The following GRM7 variants were observed in gnomAD, a reference collection of about 807,000 sequenced individuals.
GRM7 encodes glutamate metabotropic receptor 7.
Under a neutral mutation model 84.5 loss-of-function variants are expected in GRM7, and 35 were observed. The ratio of observed to expected loss-of-function variants is 0.41; its 90% confidence interval spans 0.32 to 0.55. The LOEUF (loss-of-function observed/expected upper bound fraction) is 0.55. Ranked by LOEUF, GRM7 falls within the 20% of genes least tolerant of loss-of-function variation. The pLI is 0.19. For synonymous variants in GRM7, 487 were observed against 455.1 expected, an observed-to-expected ratio of 1.07 and a Z score of -0.89; for missense variants, 1,003 against 1,194.6, an observed-to-expected ratio of 0.84 and a Z score of 2.36.
chr3:6,888,175 G>T (rs894406172), intron 1 of GRM7, among the ~76,000 whole-genome samples: 1 of 151,888 alleles, frequency 6.6e-6, no homozygotes, highest in Non-Finnish European at 1.5e-5. Context: ...CTCCCATTTT[G>T]TAGGTTGCCT....
At chr3:7,278,911 T>C (rs533267128) in intron 2 of GRM7, among the ~76,000 whole-genome samples, 2 of 152,326 alleles carry the variant, frequency 1.3e-5, no homozygotes, top group African/African-American at 2.4e-5. Flanking sequence ...GGTTGGAGAT[T>C]ATAAATTTAA....
chr3:7,208,127 G>C (rs900230024), intron 2 of GRM7, among the ~76,000 whole-genome samples: 6 of 152,238 alleles, frequency 3.9e-5, no homozygotes, highest in African/African-American at 1.2e-4. Context: ...CAGAATCAGA[G>C]AGGATAAACA....
intron 7 of GRM7, among the ~76,000 whole-genome samples, chr3:7,491,722 A>AT (rs1366095125): frequency 2.6e-5 from 4 of 152,168 alleles, no homozygotes; most frequent in African/African-American, 9.7e-5. Flanking sequence ...TAGGCAAATC[A>AT]TTTTCTCCTC....
intron 7 of GRM7, among the ~76,000 whole-genome samples, chr3:7,552,090 C>T (rs2125026793): frequency 6.6e-6 from 1 of 152,310 alleles, no homozygotes; most frequent in African/African-American, 2.4e-5. Context: ...TTAACTCCAC[C>T]TGATCTCTCC....
rs146595971 is a variant in GRM7, at chr3:7,629,816, T to A, written c.2452-50233T>A. ...TAAGAAACTTGTTTTACATTCCAAG[T>A]TTTTTTTAAATCTCCCAGCCTAGTA... On this transcript the variant is annotated intron_variant, in intron 8 of 9. Coordinates refer to ENST00000357716, the MANE Select transcript of GRM7 (RefSeq NM_000844.4). Among the ~76,000 whole-genome samples the A allele has an allele frequency of 1.2e-3, 177 of 150,616 alleles. 1 individual carries two copies. The highest frequency in any genetic ancestry group is 4.1e-3 in the African/African-American group (166 of 40,046).
chr3:7,556,169 T>G (rs1377520922), intron 7 of GRM7, among the ~76,000 whole-genome samples: 1 of 152,134 alleles, frequency 6.6e-6, no homozygotes, highest in Non-Finnish European at 1.5e-5. Flanking sequence ...CATGCTCACG[T>G]GGTAGAAAGG....
intron 8 of GRM7, among the ~76,000 whole-genome samples, chr3:7,622,550 A>G (rs750947509): frequency 8.6e-5 from 13 of 152,032 alleles, no homozygotes; most frequent in Non-Finnish European, 1.8e-4. Flanking sequence ...GCCATAAAGG[A>G]GAGGCGAGAG....
At chr3:7,472,837 A>G (rs1313743131) in intron 7 of GRM7, among the ~76,000 whole-genome samples, 2 of 152,018 alleles carry the variant, frequency 1.3e-5, no homozygotes, top group Non-Finnish European at 2.9e-5. Flanking sequence ...CAATCCCCCT[A>G]CCCCCACTTA....
chr3:7,304,689 T>A (rs1700127753), intron 3 of GRM7, among the ~76,000 whole-genome samples: 2 of 152,088 alleles, frequency 1.3e-5, no homozygotes, highest in African/African-American at 4.8e-5. Flanking sequence ...TTCTGCACTT[T>A]ATATCTATGC....
At chr3:7,668,355 C>T (rs1321439911) in intron 8 of GRM7, among the ~76,000 whole-genome samples, 1 of 152,204 alleles carries the variant, frequency 6.6e-6, no homozygotes, top group Non-Finnish European at 1.5e-5. Context: ...AATTAAGTCC[C>T]CTCTATTTGC....
chr3:7,432,219 T>C (rs1173418389), intron 5 of GRM7, among the ~76,000 whole-genome samples: 4 of 152,230 alleles, frequency 2.6e-5, no homozygotes, highest in African/African-American at 9.6e-5. Flanking sequence ...TCAACCCTTA[T>C]TACCTGATAA....
intron 8 of GRM7, among the ~76,000 whole-genome samples, chr3:7,644,174 AC>A (rs761535912): frequency 0.23 from 12,774 of 54,990 alleles, 1,214 homozygotes; most frequent in Non-Finnish European, 0.28. Context: ...ATATGTCTGT[AC>A]ATATATATAT....
intron 2 of GRM7, among the ~76,000 whole-genome samples, chr3:7,209,330 G>A (rs1331962832): frequency 2.6e-5 from 4 of 152,160 alleles, no homozygotes; most frequent in African/African-American, 9.7e-5. Flanking sequence ...TTCCAAGAAA[G>A]ACCAATGCCT....
intron 1 of GRM7, among the ~76,000 whole-genome samples, chr3:7,063,418 G>A (rs1238005716): frequency 6.6e-6 from 1 of 151,746 alleles, no homozygotes; most frequent in Non-Finnish European, 1.5e-5. Flanking sequence ...GGGTTAGAGA[G>A]AGGATAAGCT....
At chr3:7,350,804 A>G (rs920808730) in intron 4 of GRM7, among the ~76,000 whole-genome samples, 2 of 152,048 alleles carry the variant, frequency 1.3e-5, no homozygotes, top group Admixed American at 6.6e-5. Flanking sequence ...TGATATTCCA[A>G]ACAAAGTAAA....
At chr3:7,054,073 C>A (rs1697116763) in intron 1 of GRM7, among the ~76,000 whole-genome samples, 1 of 150,576 alleles carries the variant, frequency 6.6e-6, no homozygotes, top group Non-Finnish European at 1.5e-5. Flanking sequence ...TATTTTGCTA[C>A]TACTATAAGT....
At chr3:7,676,740 A>G (rs1700137836) in intron 8 of GRM7, among the ~76,000 whole-genome samples, 1 of 152,078 alleles carries the variant, frequency 6.6e-6, no homozygotes, top group Non-Finnish European at 1.5e-5. Context: ...CTATATTTAG[A>G]TACATAAATA....
chr3:7,087,015 C>T (rs1040474702), intron 1 of GRM7, among the ~76,000 whole-genome samples: 4 of 152,104 alleles, frequency 2.6e-5, no homozygotes, highest in African/African-American at 9.7e-5. Flanking sequence ...CTGGATAAGG[C>T]TATGAGTGCC....
chr3:6,903,717 C>A (rs1696475155), intron 1 of GRM7, among the ~76,000 whole-genome samples: 1 of 152,140 alleles, frequency 6.6e-6, no homozygotes, highest in African/African-American at 2.4e-5. Flanking sequence ...AATTATTCCC[C>A]AGAATAGCTT....
Sources: gnomAD v4.1 joint callset for allele counts (sites outside exome capture counted in the v4.1 genomes callset) on GRCh38, gnomAD v4.1.1 for gene constraint, MANE v1.5 for transcripts, NCBI Gene and HGNC (gene_info 2026-07-23, HGNC 2026-07-21) for gene names.